ZNF277: variants seen among roughly 807,000 people sequenced by gnomAD.
ZNF277 encodes zinc finger protein 277, also known as nuclear receptor-interacting factor 4.
A neutral mutation model predicts 60.7 loss-of-function variants in ZNF277; 55 were observed. That is an observed-to-expected ratio of 0.91 (90% CI 0.73 to 1.13). ZNF277 has a LOEUF of 1.13. Among genes scored for constraint, ZNF277 ranks in the 50% most tolerant of loss-of-function variants. ZNF277 has a pLI of 0.00. For missense variants in ZNF277, 510 were observed against 523.0 expected (o/e 0.98, Z 0.24); for synonymous variants, 178 against 179.3 (o/e 0.99, Z 0.06).
intron 1 of ZNF277, among the ~76,000 whole-genome samples, chr7:112,259,976 T>C (rs1328224444): frequency 1.3e-5 from 2 of 152,176 alleles, no homozygotes; most frequent in Admixed American, 6.5e-5. Flanking sequence ...GATATAAGTA[T>C]AAAAGCTACA....
chr7:112,280,078 C>T (rs1791906466), intron 1 of ZNF277, among the ~76,000 whole-genome samples: 1 of 152,056 alleles, frequency 6.6e-6, no homozygotes, highest in Non-Finnish European at 1.5e-5. Flanking sequence ...GATATAAATC[C>T]CTTTTTGTTG....
At chr7:112,293,575 A>G (rs1011604259) in intron 2 of ZNF277, among the ~76,000 whole-genome samples, 4 of 142,530 alleles carry the variant, frequency 2.8e-5, no homozygotes, top group Admixed American at 2.8e-4. Context: ...GCCAGATCTT[A>G]TCTCAAAAAA....
chr7:112,339,711 T>C, intron 9 of ZNF277, 132 bp from the exon 10 acceptor site: 1 of 838,272 alleles, frequency 1.2e-6, no homozygotes, highest in Non-Finnish European at 1.9e-6. Context: ...TTGGAAGACT[T>C]CAAAAGCAGA....
Position 112,287,033 on chromosome 7 carries a change from G to A in ZNF277, c.252G>A (p.Lys84=). 6.2e-7 allele frequency: 1 copy of A among 1,613,992 alleles called. No individual in the cohort carries two copies. Among genetic ancestry groups the A allele is most frequent in the South Asian group, 1.1e-5 (1 of 91,068 alleles). The change falls in exon 2 of 12, where the codon AAG becomes AAA. Residue 84 remains lysine, a synonymous_variant. Coordinates refer to ENST00000361822, the MANE Select transcript of ZNF277 (RefSeq NM_021994.3). ...TGAAGCACATGATTATTGAGCATAA[G>A]ATTGTCATAGCTGATGTCAAGTTGG... The part of the protein sequence containing the change: ...KLLKHMIIEH[K]IVIADVKLVA...
Position 112,340,876 on chromosome 7 carries a change from A to C in ZNF277, c.1014A>C (p.Leu338Phe). ...TCTGTATTTTGTCATTTTCAGGATT[A>C]AATTTCTATCAGCAAGTGAAACTGG... is the stretch of plus-strand genomic sequence containing the variant. ...DLLKIKSELG[L>F]NFYQQVKLVN... Residue 338 changes from leucine to phenylalanine, a missense_variant, in exon 11 of 12, where the codon TTA (leucine) becomes TTC (phenylalanine). Transcript: ENST00000361822. 1 of 1,609,788 alleles carries C rather than the reference A, an allele frequency of 6.2e-7. No individual in the cohort carries two copies. Among genetic ancestry groups the C allele is most frequent in the African/African-American group, 1.3e-5 (1 of 74,890 alleles).
At chr7:112,254,106 A>G (rs915375574) in intron 1 of ZNF277, among the ~76,000 whole-genome samples, 9 of 152,222 alleles carry the variant, frequency 5.9e-5, no homozygotes, top group Non-Finnish European at 8.8e-5. Context: ...CTCTCTCATG[A>G]TCAAGACTTA....
In ZNF277 at chr7:112,330,069, G is replaced by A. The variant is rs776570689; in HGVS notation, c.669-15G>A. The A allele has an allele frequency of 8.1e-6, 13 of 1,604,538 alleles. No individual in the cohort carries two copies. In the Middle Eastern group the frequency reaches 8.3e-4, roughly 103 times the overall value. On this transcript the variant is annotated splice_polypyrimidine_tract_variant and intron_variant, in intron 6 of 11. Coordinates refer to ENST00000361822, the MANE Select transcript of ZNF277 (RefSeq NM_021994.3). ...ACAAGAGACTTGTTTATCAGTGTTT[G>A]TGTATTTCTTGTAGTTTGCAGTGCT...
intron 1 of ZNF277, among the ~76,000 whole-genome samples, chr7:112,238,728 A>G (rs572446473): frequency 2.0e-5 from 3 of 146,716 alleles, no homozygotes; most frequent in African/African-American, 7.4e-5. Context: ...CCACAGTAAA[A>G]TAAAGCACCA....
chr7:112,207,158 G>A (rs780495557), intron 1 of ZNF277, among the ~76,000 whole-genome samples: 8 of 152,236 alleles, frequency 5.3e-5, no homozygotes, highest in Non-Finnish European at 8.8e-5. Context: ...GCGCGCGTGT[G>A]TTTATAATTT....
At chr7:112,327,268 A>G (rs1045654486) in intron 5 of ZNF277, among the ~76,000 whole-genome samples, 2 of 152,180 alleles carry the variant, frequency 1.3e-5, no homozygotes, top group African/African-American at 2.4e-5. Flanking sequence ...AGATTCTCAT[A>G]AGAAGTACAC....
chr7:112,302,117 TA>T (rs1314868082), intron 4 of ZNF277, among the ~76,000 whole-genome samples: 22 of 152,264 alleles, frequency 1.4e-4, no homozygotes, highest in African/African-American at 4.6e-4. Context: ...GTATTTTTTT[TA>T]ATCACTATTT....
At chr7:112,249,756 A>T (rs1791161309) in intron 1 of ZNF277, among the ~76,000 whole-genome samples, 1 of 152,218 alleles carries the variant, frequency 6.6e-6, no homozygotes, top group Non-Finnish European at 1.5e-5. Flanking sequence ...CTCTAAACAT[A>T]AATTGTAAAG....
At chr7:112,273,763 A>G (rs1257044553) in intron 1 of ZNF277, among the ~76,000 whole-genome samples, 1 of 152,160 alleles carries the variant, frequency 6.6e-6, no homozygotes, top group Non-Finnish European at 1.5e-5. Flanking sequence ...CTAAAAAAAA[A>G]TGTGGTTATT....
At position 112,282,239 on chromosome 7, in the gene ZNF277, T is replaced by A. The variant is rs1001492102; in HGVS notation, c.92-4634T>A. On this transcript the variant is annotated intron_variant, in intron 1 of 11. Transcript: ENST00000361822. ...ATTACAACAGAGATATTTGCTCTTG[T>A]TGGGCATGGAGAGATGGGGTGGGCC... 3.9e-5 allele frequency among the ~76,000 whole-genome samples: 6 copies of A among 152,366 alleles called. No homozygotes were observed. The Middle Eastern group carries it at 0.014, about 345-fold the overall frequency.
chr7:112,225,765 G>GT (rs1217308428), intron 1 of ZNF277, among the ~76,000 whole-genome samples: 2 of 151,966 alleles, frequency 1.3e-5, no homozygotes, highest in African/African-American at 4.8e-5. Context: ...ATGTTCTCTT[G>GT]TTTTTTTCAC....
chr7:112,210,311 A>C (rs375403891), intron 1 of ZNF277, among the ~76,000 whole-genome samples: 1 of 152,004 alleles, frequency 6.6e-6, no homozygotes, highest in East Asian at 1.9e-4. Context: ...AATTCCTCAA[A>C]ATCTCTGCTA....
intron 4 of ZNF277, among the ~76,000 whole-genome samples, chr7:112,313,607 A>AGTTGT (rs1437900540): frequency 3.3e-5 from 5 of 152,146 alleles, no homozygotes; most frequent in Admixed American, 2.0e-4. Flanking sequence ...ATATTTTGTA[A>AGTTGT]AAATTGTCTG....
intron 1 of ZNF277, among the ~76,000 whole-genome samples, chr7:112,270,450 G>C (rs933112416): frequency 2.0e-5 from 3 of 152,098 alleles, no homozygotes; most frequent in African/African-American, 4.8e-5. Context: ...ATGTATTGCT[G>C]AGGCTTGCTT....
At chr7:112,330,581 T>TTG (rs1793207779) in intron 7 of ZNF277, 1 of 207,552 alleles carries the variant, frequency 4.8e-6, no homozygotes, top group Admixed American at 6.2e-5. Context: ...TCTTTTTTTC[T>TTG]TGAGATGGAG....
Sources: gnomAD v4.1 joint callset for allele counts (sites outside exome capture counted in the v4.1 genomes callset) on GRCh38, gnomAD v4.1.1 for gene constraint, MANE v1.5 for transcripts, NCBI Gene and HGNC (gene_info 2026-07-23, HGNC 2026-07-21) for gene names.